The following PDZRN4 variants were observed in gnomAD, a reference collection of about 807,000 sequenced individuals.
The protein encoded by PDZRN4 is PDZ domain containing ring finger 4.
Under a neutral mutation model 99.0 loss-of-function variants are expected in PDZRN4, and 70 were observed. The observed-to-expected ratio is 0.71, with a 90% CI of 0.58 to 0.86. The LOEUF is 0.86. Ranked by LOEUF, PDZRN4 falls within the 40% of genes least tolerant of loss-of-function variation. The pLI is 0.00. For synonymous variants in PDZRN4, 551 were observed against 501.6 expected (o/e 1.10, Z -1.32); for missense variants, 1,474 against 1,331.2 (o/e 1.11, Z -1.67).
intron 3 of PDZRN4, among the ~76,000 whole-genome samples, chr12:41,337,439 G>C (rs1163104354): frequency 6.6e-6 from 1 of 152,082 alleles, no homozygotes; most frequent in African/African-American, 2.4e-5. Context: ...CACCAAAAAT[G>C]GGGAAGATAA....
chr12:41,458,455 C>T (rs1220832783), intron 3 of PDZRN4, among the ~76,000 whole-genome samples: 1 of 152,082 alleles, frequency 6.6e-6, no homozygotes, highest in Non-Finnish European at 1.5e-5. Context: ...CCACACCCAG[C>T]CGAGAGTGAC....
At chr12:41,529,623 A>G (rs1286620294) in intron 5 of PDZRN4, among the ~76,000 whole-genome samples, 1 of 152,244 alleles carries the variant, frequency 6.6e-6, no homozygotes, top group African/African-American at 2.4e-5. Flanking sequence ...ATTATAAGTC[A>G]CAAATAACAG....
chr12:41,463,176 G>A (rs1008451027), intron 3 of PDZRN4, among the ~76,000 whole-genome samples: 1 of 152,088 alleles, frequency 6.6e-6, no homozygotes, highest in Non-Finnish European at 1.5e-5. Context: ...TTTCTCTCAA[G>A]CCATATTTCC....
At chr12:41,194,230 G>C (rs753259689) in intron 3 of PDZRN4, 42 bp downstream of exon 3, 1 of 910,296 alleles carries the variant, frequency 1.1e-6, no homozygotes, top group Admixed American at 1.8e-5. Context: ...ATGCAAGAAA[G>C]ATTGGGATAT....
intron 3 of PDZRN4, among the ~76,000 whole-genome samples, chr12:41,463,546 T>C (rs1232947136): frequency 6.6e-6 from 1 of 151,996 alleles, no homozygotes; most frequent in East Asian, 1.9e-4. Context: ...TAATATAATC[T>C]TTAAATAAAC....
At chr12:41,523,891 A>G (rs1938529588) in intron 5 of PDZRN4, among the ~76,000 whole-genome samples, 1 of 152,176 alleles carries the variant, frequency 6.6e-6, no homozygotes, top group Admixed American at 6.6e-5. Context: ...AAGCCACTTT[A>G]TAGAGGTATG....
At chr12:41,391,236 A>G (rs1216968236) in intron 3 of PDZRN4, among the ~76,000 whole-genome samples, 1 of 152,224 alleles carries the variant, frequency 6.6e-6, no homozygotes, top group Non-Finnish European at 1.5e-5. Flanking sequence ...AATACCTGAC[A>G]GGTGTAAATT....
At chr12:41,197,263 C>T (rs1185127688) in intron 3 of PDZRN4, among the ~76,000 whole-genome samples, 2 of 151,988 alleles carry the variant, frequency 1.3e-5, no homozygotes, top group Non-Finnish European at 2.9e-5. Context: ...ATTTTATAAA[C>T]TCTAATAAAT....
At chr12:41,191,753 T>G (rs1256535808) in intron 2 of PDZRN4, among the ~76,000 whole-genome samples, 5 of 60,068 alleles carry the variant, frequency 8.3e-5, no homozygotes, top group Non-Finnish European at 1.7e-4. Context: ...ATTTTATTTA[T>G]TTATTTATTT....
At chr12:41,493,407 C>T (rs2120635785) in intron 3 of PDZRN4, among the ~76,000 whole-genome samples, 1 of 152,198 alleles carries the variant, frequency 6.6e-6, no homozygotes, top group Non-Finnish European at 1.5e-5. Context: ...CCAAATAAAG[C>T]TAAATAAAAT....
intron 3 of PDZRN4, among the ~76,000 whole-genome samples, chr12:41,206,071 A>G (rs1950848469): frequency 6.6e-6 from 1 of 151,966 alleles, no homozygotes; most frequent in Non-Finnish European, 1.5e-5. Flanking sequence ...ATATGACTCT[A>G]CCACAACTAA....
chr12:41,249,671 C>A (rs535315214), intron 3 of PDZRN4, among the ~76,000 whole-genome samples: 1 of 152,292 alleles, frequency 6.6e-6, no homozygotes, highest in South Asian at 2.1e-4. Context: ...ATGGATTTAT[C>A]ATCATCCAAG....
chr12:41,398,823 G>T (rs1952269421), intron 3 of PDZRN4, among the ~76,000 whole-genome samples: 1 of 152,084 alleles, frequency 6.6e-6, no homozygotes, highest in South Asian at 2.1e-4. Flanking sequence ...AGTGTCTAAT[G>T]CATACTAGGT....
intron 3 of PDZRN4, among the ~76,000 whole-genome samples, chr12:41,257,026 A>T (rs910940940): frequency 5.3e-5 from 8 of 152,302 alleles, no homozygotes; most frequent in South Asian, 4.1e-4. Flanking sequence ...CTTAGGCTAC[A>T]TTAATTTATC....
At chr12:41,230,423 T>G (rs1591977313) in intron 3 of PDZRN4, among the ~76,000 whole-genome samples, 1 of 152,002 alleles carries the variant, frequency 6.6e-6, no homozygotes, top group Non-Finnish European at 1.5e-5. Flanking sequence ...AGTAACTGCG[T>G]CTTCTGTTAA....
chr12:41,430,973 G>A (rs574932519), intron 3 of PDZRN4, among the ~76,000 whole-genome samples: 55 of 152,166 alleles, frequency 3.6e-4, no homozygotes, highest in Admixed American at 6.5e-4. Flanking sequence ...GTGGTGCTAC[G>A]GACTTTTAAA....
chr12:41,505,265 G>T (rs1360634422), intron 3 of PDZRN4, among the ~76,000 whole-genome samples: 3 of 152,132 alleles, frequency 2.0e-5, no homozygotes, highest in Non-Finnish European at 2.9e-5. Context: ...GGGTGGCTTA[G>T]TTAGCTGTCT....
chr12:41,504,176 G>A (rs1938164347), intron 3 of PDZRN4, among the ~76,000 whole-genome samples: 3 of 152,142 alleles, frequency 2.0e-5, no homozygotes, highest in Admixed American at 1.3e-4. Context: ...GGCTGAGGCA[G>A]GAGAATCATT....
chr12:41,375,043 GC>G (rs1465410430), intron 3 of PDZRN4, among the ~76,000 whole-genome samples: 3 of 152,116 alleles, frequency 2.0e-5, no homozygotes, highest in Non-Finnish European at 4.4e-5. Flanking sequence ...TCGTAGACAG[GC>G]CCATGTGGGA....
Sources: allele counts gnomAD v4.1 joint callset (sites outside exome capture counted in the v4.1 genomes callset), GRCh38; gene constraint gnomAD v4.1.1; transcripts MANE v1.5; gene names NCBI Gene and HGNC (gene_info 2026-07-23, HGNC 2026-07-21).